The following AKNA variants were observed in gnomAD, a reference collection of about 807,000 sequenced individuals.
AKNA encodes the protein microtubule organization protein AKNA.
Under a neutral mutation model 138.8 loss-of-function variants are expected in AKNA, and 67 were observed. That is an observed-to-expected ratio of 0.48 (90% CI 0.40 to 0.59). AKNA has a LOEUF of 0.59. AKNA is among the 20% of genes least tolerant of loss of function. The probability of loss-of-function intolerance (pLI) is 0.00; values close to 1 mark genes in which losing one functional copy is unlikely to be tolerated. For missense variants in AKNA, 1,813 were observed against 1,880.4 expected (o/e 0.96, Z 0.66); for synonymous variants, 737 against 754.4 (o/e 0.98, Z 0.38).
chr9:114,370,691 C>A (rs1832710487), intron 4 of AKNA, among the ~76,000 whole-genome samples: 1 of 152,172 alleles, frequency 6.6e-6, no homozygotes, highest in Non-Finnish European at 1.5e-5. Flanking sequence ...GAAGGGAGGA[C>A]TAGTGAATTT....
At chr9:114,356,280 G>GAC (rs937655834) in intron 13 of AKNA, 144 bp from the exon 14 acceptor site, 4 of 726,434 alleles carry the variant, frequency 5.5e-6, no homozygotes, top group East Asian at 5.5e-5. Flanking sequence ...TATTTCCAAG[G>GAC]ACACACACAC....
intron 14 of AKNA, among the ~76,000 whole-genome samples, 189 bp downstream of exon 14, chr9:114,355,736 A>T (rs570713159): frequency 6.6e-6 from 1 of 152,352 alleles, no homozygotes; most frequent in East Asian, 1.9e-4. Context: ...GTTCTACACC[A>T]AAACGTCAGC....
intron 14 of AKNA, among the ~76,000 whole-genome samples, chr9:114,353,737 G>A (rs1831294974): frequency 5.9e-5 from 9 of 152,148 alleles, no homozygotes; most frequent in Admixed American, 5.9e-4. Flanking sequence ...CTACAACATT[G>A]CCTGCTGAAT....
rs201531626 is a variant in AKNA, at chr9:114,368,476, C to T, written c.1536G>A (p.Pro512=). 8.3e-5 allele frequency: 111 copies of T among 1,337,798 alleles called. 1 individual carries two copies. The South Asian group carries it at 1.3e-3, about 16-fold the overall frequency. 82.9% of individuals were successfully genotyped at this position (1,337,798 alleles called of 1,614,324 possible). A position where few individuals can be genotyped will look rare whatever the true frequency, so the allele number is the denominator to read the frequency against. The change falls in exon 5 of 22, where the codon CCG becomes CCA. Residue 512 remains proline (P), a synonymous_variant. Coordinates refer to ENST00000374088, the MANE Select transcript of AKNA (RefSeq NM_001317950.2). ...IPQPRSAEWW[P]GPAEDPQASA... is the part of the protein sequence containing the mutation. ...AGGCCTGGGGGTCCTCGGCCGGGCC[C>T]GGCCACCACTCTGCAGAGCGGGGCT...
intron 7 of AKNA, among the ~76,000 whole-genome samples, chr9:114,363,928 G>C (rs958231981): frequency 3.9e-5 from 6 of 152,086 alleles, no homozygotes; most frequent in Non-Finnish European, 5.9e-5. Context: ...GATGCAGCAG[G>C]AATCTAAATT....
At chr9:114,337,892 A>C (rs1436134272) in intron 21 of AKNA, among the ~76,000 whole-genome samples, 1 of 152,064 alleles carries the variant, frequency 6.6e-6, no homozygotes, top group African/African-American at 2.4e-5. Context: ...GTCCTATAGG[A>C]ATGTGAGGTG....
chr9:114,340,072 C>G (rs184269907), intron 21 of AKNA, among the ~76,000 whole-genome samples: 53 of 152,324 alleles, frequency 3.5e-4, no homozygotes, highest in African/African-American at 1.2e-3. Flanking sequence ...GCACTCCAGC[C>G]TGGGCGACAA....
intron 4 of AKNA, among the ~76,000 whole-genome samples, chr9:114,373,709 T>G (rs1055954495): frequency 6.8e-6 from 1 of 147,666 alleles, no homozygotes; most frequent in Non-Finnish European, 1.5e-5. Context: ...TAAGACCCCG[T>G]CTCTACAAAA....
Position 114,343,712 on chromosome 9 carries a change from A to G in AKNA, c.3753T>C (p.Asp1251=). ...CPHCRPIRTQ[D]AGGAVTGDPL... ...TTTCCAGGTGCCATTCCTTACCCGC[A>G]TCCTGGGTCCTAATGGGCCGGCAGT... Residue 1251 remains aspartate, a synonymous_variant, in exon 19 of 22, where the codon GAT becomes GAC. Transcript: ENST00000374088. 1 of 1,614,202 alleles carries G rather than the reference A, an allele frequency of 6.2e-7. No homozygotes were observed. The highest frequency in any genetic ancestry group is 8.5e-7 in the Non-Finnish European group (1 of 1,180,018).
In AKNA at chr9:114,382,274, G is replaced by C. The variant is rs537339434; in HGVS notation, c.-113-828C>G. Among the ~76,000 whole-genome samples the C allele has an allele frequency of 3.9e-5, 6 of 152,248 alleles. No homozygotes were observed. In the South Asian group the frequency reaches 1.2e-3, roughly 32 times the overall value. On this transcript the variant is annotated intron_variant, in intron 1 of 21. Transcript: ENST00000374088. Reference sequence around the variant, plus strand: ...CCTCACTGGGGTAAGAATTCAGATTGAGAGGTGGGGGAGGATGATGAAAAA... The same window carrying C: ...CCTCACTGGGGTAAGAATTCAGATTCAGAGGTGGGGGAGGATGATGAAAAA...
downstream of AKNA, chr9:114,331,485 C>T: frequency 8.8e-7 from 1 of 1,131,764 alleles, no homozygotes; most frequent in East Asian, 2.4e-5. Flanking sequence ...TGGCCCCGGA[C>T]ACACCTAGGA....
rs1392748839 is a variant in AKNA at position 114,350,991 on chromosome 9, T to C, written c.3089A>G (p.Lys1030Arg). ...GGGAAGGGGCTGTTCAGAAATCCGT[T>C]TGTGCCCCTCAAACTCTGAGCCAGG... Reference protein sequence around the residue: ...AVPGSEFEGHKRISEQPLPNK... With the variant: ...AVPGSEFEGHRRISEQPLPNK... Residue 1030 changes from lysine (K) to arginine (R), a missense_variant, in exon 15 of 22, where the codon AAA (lysine) becomes AGA (arginine). Coordinates refer to ENST00000374088, the MANE Select transcript of AKNA (RefSeq NM_001317950.2). The C allele has an allele frequency of 6.2e-7, 1 of 1,613,672 alleles. No individual in the cohort carries two copies.
chr9:114,370,100 G>T (rs113154099), intron 4 of AKNA, among the ~76,000 whole-genome samples: 4,083 of 152,308 alleles, frequency 0.027, 64 homozygotes, highest in Non-Finnish European at 0.043. Flanking sequence ...GGTGGAAGGG[G>T]CTCCCTGGCC....
At chr9:114,338,284 C>T (rs912093793) in intron 21 of AKNA, among the ~76,000 whole-genome samples, 9 of 152,198 alleles carry the variant, frequency 5.9e-5, no homozygotes, top group South Asian at 2.1e-4. Context: ...ATGGACAATA[C>T]GTACATGAAA....
chr9:114,331,442 A>G, downstream of AKNA: 1 of 733,408 alleles, frequency 1.4e-6, no homozygotes, highest in Non-Finnish European at 2.3e-6. Context: ...ACGGTGGCCC[A>G]AAGGAGACCC....
At chr9:114,391,124 C>T, upstream of AKNA, among the ~76,000 whole-genome samples, 1 of 152,318 alleles carries the variant, frequency 6.6e-6, no homozygotes, top group Non-Finnish European at 1.5e-5. Flanking sequence ...CCCCATTTCA[C>T]AGTTGGGTAA....
At chr9:114,349,052 G>C in intron 15 of AKNA, 1 of 439,114 alleles carries the variant, frequency 2.3e-6, no homozygotes, top group Middle Eastern at 3.4e-4. Flanking sequence ...TCCCCAGGGA[G>C]ACGCTTGCTG....
chr9:114,345,750 T>G, intron 18 of AKNA, 113 bp downstream of exon 18: 1 of 987,978 alleles, frequency 1.0e-6, no homozygotes, highest in Non-Finnish European at 1.5e-6. Context: ...ACAGAACTGA[T>G]AGAAAATGAT....
At chr9:114,350,243 G>A (rs975968688) in intron 15 of AKNA, among the ~76,000 whole-genome samples, 11 of 152,106 alleles carry the variant, frequency 7.2e-5, no homozygotes, top group Non-Finnish European at 1.3e-4. Flanking sequence ...AACTTTGCAC[G>A]TAGGCAACAT....
Sources: gnomAD v4.1 joint callset for allele counts (sites outside exome capture counted in the v4.1 genomes callset) on GRCh38, gnomAD v4.1.1 for gene constraint, MANE v1.5 for transcripts, NCBI Gene and HGNC (gene_info 2026-07-23, HGNC 2026-07-21) for gene names.